Variants in POU2AF2 observed in about 807,000 individuals in gnomAD.
The protein encoded by POU2AF2 is POU domain class 2-associating factor 2.
At chr11:111,251,508 A>G in the POU2AF2 span, among the ~76,000 whole-genome samples, 5 of 152,194 alleles carry the variant, frequency 3.3e-5, no homozygotes, top group African/African-American at 1.2e-4. Context: ...ACTCGATTAC[A>G]TCTATATGGC....
At chr11:111,259,998 A>G in the POU2AF2 span, among the ~76,000 whole-genome samples, 4 of 152,006 alleles carry the variant, frequency 2.6e-5, no homozygotes, top group Non-Finnish European at 5.9e-5. Context: ...CTTAACCACT[A>G]CTCTAGAATA....
the POU2AF2 span, chr11:111,245,947 A>G: frequency 1.5e-5 from 6 of 397,230 alleles, no homozygotes; most frequent in Admixed American, 1.3e-4. Context: ...AACATAAAAC[A>G]AAGGTTAAGG....
the POU2AF2 span, among the ~76,000 whole-genome samples, chr11:111,270,866 G>A: frequency 6.6e-6 from 1 of 152,094 alleles, no homozygotes; most frequent in Non-Finnish European, 1.5e-5. Flanking sequence ...GCACCTGCTG[G>A]CCTTCTGAAA....
the POU2AF2 span, among the ~76,000 whole-genome samples, chr11:111,264,515 A>C: frequency 1.8e-5 from 1 of 54,880 alleles, no homozygotes; most frequent in Non-Finnish European, 3.6e-5. Context: ...AAAGAAAGAA[A>C]GAAAGAAAGA....
At chr11:111,275,163 G>T in the POU2AF2 span, among the ~76,000 whole-genome samples, 1 of 152,192 alleles carries the variant, frequency 6.6e-6, no homozygotes, top group Non-Finnish European at 1.5e-5. Flanking sequence ...AACCAGGAAG[G>T]TATCTACGTC....
At chr11:111,272,582 G>A in the POU2AF2 span, among the ~76,000 whole-genome samples, 134 of 152,260 alleles carry the variant, frequency 8.8e-4, no homozygotes, top group Non-Finnish European at 1.5e-3. Flanking sequence ...AGAGTCTGGC[G>A]GGAAGTGGCA....
the POU2AF2 span, among the ~76,000 whole-genome samples, chr11:111,281,068 G>T: frequency 6.6e-6 from 1 of 152,160 alleles, no homozygotes; most frequent in African/African-American, 2.4e-5. Context: ...GGAGGCTACT[G>T]GATATGCGTA....
the POU2AF2 span, among the ~76,000 whole-genome samples, chr11:111,252,586 C>T: frequency 1.3e-5 from 2 of 151,800 alleles, no homozygotes. Context: ...ACCACCACCC[C>T]GCCCACACCC....
the POU2AF2 span, among the ~76,000 whole-genome samples, chr11:111,268,669 G>C: frequency 1.3e-5 from 2 of 151,784 alleles, no homozygotes; most frequent in South Asian, 2.1e-4. Flanking sequence ...AAGTAGCTGG[G>C]ACTACAGGCA....
chr11:111,264,530 A>G, the POU2AF2 span, among the ~76,000 whole-genome samples: 11 of 70,664 alleles, frequency 1.6e-4, no homozygotes, highest in Non-Finnish European at 2.0e-4. Flanking sequence ...GAAAGAAAGA[A>G]AGAAAGAAAG....
the POU2AF2 span, among the ~76,000 whole-genome samples, chr11:111,279,724 C>T: frequency 7.9e-5 from 12 of 151,982 alleles, no homozygotes; most frequent in South Asian, 2.1e-4. Context: ...TAGCAAATAC[C>T]GTCACATTCA....
the POU2AF2 span, among the ~76,000 whole-genome samples, chr11:111,267,555 G>T: frequency 6.6e-6 from 1 of 152,194 alleles, no homozygotes; most frequent in Non-Finnish European, 1.5e-5. Context: ...TGAGAGGCTG[G>T]CATCCATGGC....
At chr11:111,256,987 T>C in the POU2AF2 span, among the ~76,000 whole-genome samples, 2 of 152,270 alleles carry the variant, frequency 1.3e-5, no homozygotes, top group East Asian at 3.8e-4. Flanking sequence ...TTCTACTGTA[T>C]ACCCCAAATG....
At chr11:111,277,759 G>A in the POU2AF2 span, among the ~76,000 whole-genome samples, 67 of 152,260 alleles carry the variant, frequency 4.4e-4, 1 homozygote, top group African/African-American at 1.2e-3. Context: ...CTCCCTGGGC[G>A]GCACCCAGGA....
At chr11:111,280,499 T>C in the POU2AF2 span, among the ~76,000 whole-genome samples, 3 of 152,318 alleles carry the variant, frequency 2.0e-5, no homozygotes, top group East Asian at 5.8e-4. Context: ...AGTGGTGTGA[T>C]GAAATTTCAT....
chr11:111,266,588 C>T, the POU2AF2 span, among the ~76,000 whole-genome samples: 1 of 152,148 alleles, frequency 6.6e-6, no homozygotes, highest in African/African-American at 2.4e-5. Flanking sequence ...ATTGAGTTGA[C>T]GTTCAGACCT....
the POU2AF2 span, chr11:111,286,247 A>C: frequency 5.1e-5 from 31 of 602,268 alleles, no homozygotes; most frequent in Admixed American, 7.7e-5. Context: ...ATGTTAATTA[A>C]ATGTGTCAGA....
At chr11:111,278,644 G>A in the POU2AF2 span, among the ~76,000 whole-genome samples, 3,368 of 152,076 alleles carry the variant, frequency 0.022, 123 homozygotes, top group African/African-American at 0.075. Flanking sequence ...AAGAGGGCCC[G>A]CACTAAAAAC....
the POU2AF2 span, among the ~76,000 whole-genome samples, chr11:111,271,540 G>C: frequency 1.3e-5 from 2 of 151,928 alleles, no homozygotes; most frequent in Admixed American, 6.6e-5. Context: ...TCCTGCCTCA[G>C]CCTCCCAAGT....
Sources: gnomAD v4.1 joint callset for allele counts (sites outside exome capture counted in the v4.1 genomes callset) on GRCh38, gnomAD v4.1.1 for gene constraint, MANE v1.5 for transcripts, NCBI Gene and HGNC (gene_info 2026-07-23, HGNC 2026-07-21) for gene names.